The following KCTD19 variants were observed in gnomAD, a reference collection of about 807,000 sequenced individuals.
KCTD19 encodes the protein potassium channel tetramerization domain containing 19, also known as BTB/POZ domain-containing protein KCTD19.
A neutral mutation model predicts 103.5 loss-of-function variants in KCTD19; 67 were observed. The observed-to-expected ratio is 0.65, with a 90% CI of 0.53 to 0.79. The LOEUF (loss-of-function observed/expected upper bound fraction) is 0.79, where lower values mean the gene tolerates loss of function less well. Among genes scored for constraint, KCTD19 ranks in the 30% least tolerant of loss-of-function variants. The probability of loss-of-function intolerance (pLI) is 0.00; values close to 1 mark genes in which losing one functional copy is unlikely to be tolerated. For synonymous variants in KCTD19, 439 were observed against 452.2 expected (o/e 0.97, Z 0.37); for missense variants, 980 against 1,136.1 (o/e 0.86, Z 1.98).
At position 67,289,545 on chromosome 16, in the gene KCTD19, T is replaced by C. The variant is rs374179662; in HGVS notation, c.*24A>G. 8 of 1,449,068 alleles carry C rather than the reference T, an allele frequency of 5.5e-6. No homozygotes were observed. Among genetic ancestry groups the C allele is most frequent in the South Asian group, 1.1e-5 (1 of 87,682 alleles). 89.8% of individuals were successfully genotyped at this position (1,449,068 alleles called of 1,614,324 possible). A position where few individuals can be genotyped will look rare whatever the true frequency, so the allele number is the denominator to read the frequency against. On this transcript the variant is annotated 3_prime_UTR_variant, in exon 16 of 16. Coordinates refer to ENST00000304372, the MANE Select transcript of KCTD19 (RefSeq NM_001100915.3). ...AAAATGAGACTTGGCGGGTGGGGCA[T>C]GAGGGGCTGCATCTCTGGGCACCCT...
intron 5 of KCTD19, 199 bp from the exon 6 acceptor site, chr16:67,299,772 A>G (rs1049184294): frequency 1.8e-6 from 1 of 563,366 alleles, no homozygotes; most frequent in African/African-American, 1.9e-5. Flanking sequence ...AGTCATAACT[A>G]TTTGTTGGGA....
Position 67,323,757 on chromosome 16 carries a change from T to C in KCTD19, c.4-2872A>G, listed in dbSNP as rs932373916. On this transcript the variant is annotated intron_variant, in intron 1 of 15. Coordinates refer to ENST00000304372, the MANE Select transcript of KCTD19 (RefSeq NM_001100915.3). The surrounding 1 kb of genome is among the most constrained non-coding windows in gnomAD (Gnocchi z 4.1). The stretch of plus-strand genomic sequence containing the variant: ...ACTACTAATGAGTATGGGATTTCTT[T>C]TGGGGATGGTGAAAATGTTCTAAAA... Among the ~76,000 whole-genome samples, 3 of 152,094 alleles carry C rather than the reference T, an allele frequency of 2.0e-5. No individual in the cohort carries two copies. Among genetic ancestry groups the C allele is most frequent in the African/African-American group, 4.8e-5 (2 of 41,406 alleles).
chr16:67,325,913 AC>A (rs2037155561), intron 1 of KCTD19: 2 of 125,928 alleles, frequency 1.6e-5, no homozygotes, highest in East Asian at 4.4e-4. Flanking sequence ...TAAATTTCTT[AC>A]CTTTTTTTTT....
At chr16:67,326,588 G>A in intron 1 of KCTD19, 117 bp downstream of exon 1, 1 of 1,406,860 alleles carries the variant, frequency 7.1e-7, no homozygotes, top group East Asian at 2.9e-5. Flanking sequence ...GGGGCCCCTC[G>A]CTCTCTCCCA....
intron 7 of KCTD19, 35 bp from the exon 8 acceptor site, chr16:67,296,294 A>G (rs1219129401): frequency 2.9e-6 from 4 of 1,364,288 alleles, no homozygotes; most frequent in Non-Finnish European, 4.2e-6. Flanking sequence ...ACATCATCAT[A>G]TGGCCAGAAG....
chr16:67,297,930 A>G (rs1006654158), intron 6 of KCTD19, among the ~76,000 whole-genome samples: 7 of 152,024 alleles, frequency 4.6e-5, no homozygotes, highest in African/African-American at 1.7e-4. Flanking sequence ...AGCTGGAACT[A>G]CAGGCACCCG....
intron 6 of KCTD19, among the ~76,000 whole-genome samples, chr16:67,298,074 A>C (rs1309263486): frequency 6.7e-6 from 1 of 150,162 alleles, no homozygotes; most frequent in Non-Finnish European, 1.5e-5. Context: ...GCTCACTGCA[A>C]GCTCCGCCTC....
intron 7 of KCTD19, among the ~76,000 whole-genome samples, chr16:67,297,039 TAAG>T (rs976129378): frequency 1.4e-4 from 21 of 152,216 alleles, no homozygotes; most frequent in African/African-American, 3.6e-4. Context: ...TTTTTGGTAA[TAAG>T]AAGTTATAGG....
At chr16:67,319,406 G>C (rs975164440) in intron 2 of KCTD19, among the ~76,000 whole-genome samples, 1 of 152,132 alleles carries the variant, frequency 6.6e-6, no homozygotes, top group Non-Finnish European at 1.5e-5. Context: ...GGCACAGTTG[G>C]TGGTACACTG....
chr16:67,312,477 A>G (rs1023037568), intron 2 of KCTD19, among the ~76,000 whole-genome samples: 1 of 152,152 alleles, frequency 6.6e-6, no homozygotes, highest in Non-Finnish European at 1.5e-5. Flanking sequence ...AGATTCATGG[A>G]TTTACATATC....
At chr16:67,299,298 T>G in intron 6 of KCTD19, 65 bp downstream of exon 6, 1 of 1,480,890 alleles carries the variant, frequency 6.8e-7, no homozygotes, top group Non-Finnish European at 9.4e-7. Flanking sequence ...GGCCCCAGGT[T>G]ATTCCTAGAG....
chr16:67,301,831 A>C lies in KCTD19; in HGVS notation c.735T>G (p.Pro245=). The change falls in exon 5 of 16, where the codon CCT becomes CCG. Residue 245 remains proline, a synonymous_variant. Coordinates refer to ENST00000304372, the MANE Select transcript of KCTD19 (RefSeq NM_001100915.3). The part of the protein sequence containing the change: ...LEAEVEILEI[P]ALTEAVRWYR... ...ACCACCTTACGGCTTCAGTGAGTGC[A>C]GGGATTTCCAGAATTTCCACTTCTG... is the stretch of plus-strand genomic sequence containing the variant. 1 of 1,614,012 alleles carries C rather than the reference A, an allele frequency of 6.2e-7. No homozygotes were observed. The highest frequency in any genetic ancestry group is 1.7e-4 in the Middle Eastern group (1 of 6,060).
intron 11 of KCTD19, 124 bp from the exon 12 acceptor site, chr16:67,294,295 C>T (rs2036738491): frequency 9.2e-7 from 1 of 1,081,446 alleles, no homozygotes; most frequent in East Asian, 2.4e-5. Context: ...CCATCCCTGA[C>T]AGGGGTCACC....
rs1021547078 is a variant in KCTD19, at chr16:67,323,220, A to G, written c.4-2335T>C. On this transcript the variant is annotated intron_variant, in intron 1 of 15. Coordinates refer to ENST00000304372, the MANE Select transcript of KCTD19 (RefSeq NM_001100915.3). This position sits in a 1 kb window ranked among gnomAD's most constrained non-coding sequence, Gnocchi z 4.1. ...TCCTAGGTGTACACTTAAGACAAAT[A>G]AAGACATATGTCCACACCAAAATTT... 3.3e-5 allele frequency among the ~76,000 whole-genome samples: 5 copies of G among 152,234 alleles called. No individual in the cohort carries two copies. The highest frequency in any genetic ancestry group is 1.3e-4 in the Admixed American group (2 of 15,270).
intron 2 of KCTD19, among the ~76,000 whole-genome samples, chr16:67,319,040 T>G (rs1301683115): frequency 6.6e-6 from 1 of 151,978 alleles, no homozygotes; most frequent in Non-Finnish European, 1.5e-5. Flanking sequence ...CTGGCCAATA[T>G]AGTGAAACCC....
chr16:67,294,648 T>G lies in KCTD19; in HGVS notation c.1522A>C (p.Ile508Leu), dbSNP rs1482504682. The G allele has an allele frequency of 6.2e-7, 1 of 1,614,200 alleles. No individual in the cohort carries two copies. The highest frequency in any genetic ancestry group is 8.5e-7 in the Non-Finnish European group (1 of 1,180,030). Residue 508 changes from isoleucine to leucine, a missense_variant, in exon 11 of 16, where the codon ATC becomes CTC. By Grantham distance (5) the Ile-to-Leu change is conservative. Coordinates refer to ENST00000304372, the MANE Select transcript of KCTD19 (RefSeq NM_001100915.3). The part of the protein sequence containing the change: ...KESENEEAFS[I>L]RRLHVVTEGP... ...TCTGTCACCACATGCAGCCTCCTGA[T>G]GGAAAAAGCTTCTTCATTTTCAGAT...
rs1342757316 is a variant in KCTD19 at position 67,297,447 on chromosome 16, A to G, written c.1147+56T>C. ...CCTGGCCACATCATCTATTCCCTCC[A>G]ATCTCCCAGATACTCCCCTGATGCT... is the stretch of plus-strand genomic sequence containing the variant. On this transcript the variant is annotated intron_variant, in intron 7 of 15. Coordinates refer to ENST00000304372, the MANE Select transcript of KCTD19 (RefSeq NM_001100915.3). 3 of 1,541,152 alleles carry G rather than the reference A, an allele frequency of 1.9e-6. No homozygotes were observed. In the South Asian group the frequency reaches 3.5e-5, roughly 18 times the overall value.
chr16:67,289,638 C>T lies in KCTD19; in HGVS notation c.2712G>A (p.Leu904=), dbSNP rs766170854. 2.5e-6 allele frequency: 4 copies of T among 1,613,972 alleles called. No homozygotes were observed. In the African/African-American group the frequency reaches 5.3e-5, roughly 22 times the overall value. Residue 904 remains leucine (L), a synonymous_variant, in exon 16 of 16, where the codon CTG becomes CTA. Transcript: ENST00000304372. ...ACCTAGACAGGCCCCTCTGGATGAG[C>T]AGGTCCATGCATCGGCCATATTTCC... ...FARKYGRCMD[L]LIQRGLSRSV... is the part of the protein sequence containing the mutation.
rs779256614 is a variant in KCTD19, at chr16:67,299,527, C to T, written c.822G>A (p.Gly274=). 1.2e-6 allele frequency: 2 copies of T among 1,613,920 alleles called. No homozygotes were observed. Among genetic ancestry groups the T allele is most frequent in the African/African-American group, 1.3e-5 (1 of 74,926 alleles). ...TTCSPLSPGK[G]ARTASLESVK... The stretch of plus-strand genomic sequence containing the variant: ...CGGACTCCAGGCTGGCTGTGCGGGC[C>T]CCCTTCCCGGGGCTCAGGGGAGAAC... The change falls in exon 6 of 16, where the codon GGG becomes GGA. Residue 274 remains glycine (G), a synonymous_variant. Coordinates refer to ENST00000304372, the MANE Select transcript of KCTD19 (RefSeq NM_001100915.3).
Sources: gnomAD v4.1 joint callset for allele counts (sites outside exome capture counted in the v4.1 genomes callset) on GRCh38, gnomAD v4.1.1 for gene constraint, Gnocchi (gnomAD v3.1) non-coding constraint, MANE v1.5 for transcripts, NCBI Gene and HGNC (gene_info 2026-07-23, HGNC 2026-07-21) for gene names.